The following SPAG16 variants were observed in gnomAD, a reference collection of about 807,000 sequenced individuals.
The protein encoded by SPAG16 is sperm-associated antigen 16 protein.
In SPAG16, 86 loss-of-function variants were observed where a neutral mutation model predicts 80.4. The ratio of observed to expected loss-of-function variants is 1.07; its 90% CI spans 0.90 to 1.28. The LOEUF is 1.28. SPAG16 is among the 50% of genes most tolerant of loss of function. The pLI is 0.00. For synonymous variants in SPAG16, 294 were observed against 265.9 expected (o/e 1.11, Z -1.03); for missense variants, 870 against 765.3 (o/e 1.14, Z -1.61).
chr2:214,279,103 C>CT lies in SPAG16; in HGVS notation c.1720+129855dup, dbSNP rs35554459. Among the ~76,000 whole-genome samples, 236 of 128,216 alleles carry CT rather than the reference C, an allele frequency of 1.8e-3. 1 individual carries two copies. The highest frequency in any genetic ancestry group is 8.1e-3 in the Middle Eastern group (2 of 248). The allele number at this position is 128,216 out of a possible 152,430, so 84.1% of individuals were successfully genotyped here. A position where few individuals can be genotyped will look rare whatever the true frequency, so the allele number is the denominator to read the frequency against. On this transcript the variant is annotated intron_variant, in intron 15 of 15. Transcript: ENST00000331683. ...AAACAAACAGAATATATGAAACAAG[C>CT]TTTTTTTTTTTTTTTTTTGAGTCTC...
In SPAG16 at chr2:214,149,932, C is replaced by A. The variant is rs1172944597; in HGVS notation, c.1720+666C>A. ...TATAAGGTTAAAAATACAGTTGCATCTGCATCTTTAATGATAGAGTTTACT... is the reference window on the plus strand; with the variant it reads ...TATAAGGTTAAAAATACAGTTGCATATGCATCTTTAATGATAGAGTTTACT... On this transcript the variant is annotated intron_variant, in intron 15 of 15. Coordinates refer to ENST00000331683, the MANE Select transcript of SPAG16 (RefSeq NM_024532.5). 2.0e-5 allele frequency among the ~76,000 whole-genome samples: 3 copies of A among 152,074 alleles called. No homozygotes were observed. The South Asian group carries it at 6.2e-4, about 31-fold the overall frequency.
At chr2:213,473,773 C>T (rs1162047269) in intron 9 of SPAG16, among the ~76,000 whole-genome samples, 1 of 152,184 alleles carries the variant, frequency 6.6e-6, no homozygotes, top group Non-Finnish European at 1.5e-5. Flanking sequence ...CATTCCCATG[C>T]CTGTTCTCCA....
chr2:214,374,276 A>G (rs1227287937), intron 15 of SPAG16, among the ~76,000 whole-genome samples: 1 of 152,256 alleles, frequency 6.6e-6, no homozygotes, highest in South Asian at 2.1e-4. Context: ...CTCTAAAAAA[A>G]TCCAGAATGA....
chr2:214,193,955 C>T (rs990025052), intron 15 of SPAG16, among the ~76,000 whole-genome samples: 1 of 151,932 alleles, frequency 6.6e-6, no homozygotes, highest in African/African-American at 2.4e-5. Context: ...AGCAATGCAC[C>T]ATTCAGATGC....
intron 10 of SPAG16, among the ~76,000 whole-genome samples, chr2:213,627,147 T>A (rs1027521005): frequency 3.3e-5 from 5 of 152,168 alleles, no homozygotes; most frequent in Admixed American, 1.3e-4. Flanking sequence ...TTTAATACAG[T>A]GTCAGTACAG....
chr2:213,742,021 C>G (rs1029839487), intron 10 of SPAG16, among the ~76,000 whole-genome samples: 3 of 151,412 alleles, frequency 2.0e-5, no homozygotes, highest in African/African-American at 7.3e-5. Context: ...TTTTTTTAAT[C>G]TAGTTCTCAT....
At chr2:213,955,559 T>C (rs1199611984) in intron 12 of SPAG16, among the ~76,000 whole-genome samples, 1 of 152,194 alleles carries the variant, frequency 6.6e-6, no homozygotes, top group African/African-American at 2.4e-5. Flanking sequence ...ATCCTTATAA[T>C]AGTACCACAC....
intron 10 of SPAG16, among the ~76,000 whole-genome samples, chr2:213,765,605 G>GTC (rs2068897195): frequency 2.0e-5 from 3 of 152,038 alleles, no homozygotes; most frequent in Non-Finnish European, 4.4e-5. Flanking sequence ...GTGTGTGTGT[G>GTC]TGTGTGTGTT....
intron 12 of SPAG16, among the ~76,000 whole-genome samples, chr2:213,936,258 G>C (rs910298894): frequency 6.6e-6 from 1 of 152,174 alleles, no homozygotes; most frequent in Non-Finnish European, 1.5e-5. Flanking sequence ...GCAGATGAGA[G>C]AATGGTAGGG....
At chr2:214,299,145 A>G (rs1472202603) in intron 15 of SPAG16, among the ~76,000 whole-genome samples, 1 of 152,114 alleles carries the variant, frequency 6.6e-6, no homozygotes, top group Non-Finnish European at 1.5e-5. Flanking sequence ...TGTTATAGTC[A>G]GGAATGAATG....
intron 11 of SPAG16, among the ~76,000 whole-genome samples, chr2:213,920,517 G>A (rs887773965): frequency 1.3e-5 from 2 of 152,182 alleles, no homozygotes; most frequent in African/African-American, 4.8e-5. Flanking sequence ...GTGGGGGTAG[G>A]GAATAGGCAG....
At chr2:213,822,863 G>A (rs77368722) in intron 10 of SPAG16, among the ~76,000 whole-genome samples, 1 of 152,134 alleles carries the variant, frequency 6.6e-6, no homozygotes, top group African/African-American at 2.4e-5. Context: ...TGCTGAGGAT[G>A]ATGGCTTCCA....
intron 10 of SPAG16, among the ~76,000 whole-genome samples, chr2:213,809,176 T>G (rs531114111): frequency 6.6e-6 from 1 of 152,306 alleles, no homozygotes; most frequent in African/African-American, 2.4e-5. Flanking sequence ...GGGAATACAT[T>G]GGATTTATGT....
At chr2:213,530,841 G>T in intron 10 of SPAG16, among the ~76,000 whole-genome samples, 1 of 151,404 alleles carries the variant, frequency 6.6e-6, no homozygotes, top group South Asian at 2.1e-4. Context: ...CATCTTTTCT[G>T]CTGTTTCAAC....
intron 13 of SPAG16, among the ~76,000 whole-genome samples, chr2:214,056,280 TACACACACACAC>T (rs60247479): frequency 3.5e-5 from 5 of 144,560 alleles, no homozygotes; most frequent in Non-Finnish European, 6.1e-5. Context: ...GTAGTAGAAA[TACACACACACAC>T]ACACACACAC....
chr2:213,672,856 TTTG>T (rs1186098140), intron 10 of SPAG16, among the ~76,000 whole-genome samples: 12 of 143,476 alleles, frequency 8.4e-5, no homozygotes, highest in Non-Finnish European at 1.5e-4. Context: ...TTTTATTTTG[TTTG>T]TTTTTTTTTT....
rs764240091 is a variant in SPAG16, at chr2:213,375,132, T to C, written c.942+13T>C. 1.3e-6 allele frequency: 2 copies of C among 1,560,760 alleles called. No individual in the cohort carries two copies. The highest frequency in any genetic ancestry group is 1.4e-5 in the African/African-American group (1 of 72,522). ...AGGCAATACAAAGGTATGATATTTG[T>C]TTTTGTTTGCATTAAGTCATACTTA... On this transcript the variant is annotated intron_variant, in intron 9 of 15. Coordinates refer to ENST00000331683, the MANE Select transcript of SPAG16 (RefSeq NM_024532.5).
chr2:213,886,627 A>G (rs2076565754), intron 11 of SPAG16, among the ~76,000 whole-genome samples: 1 of 152,140 alleles, frequency 6.6e-6, no homozygotes, highest in Non-Finnish European at 1.5e-5. Flanking sequence ...TAATGCCAAA[A>G]AATATGAGAG....
intron 13 of SPAG16, among the ~76,000 whole-genome samples, chr2:214,102,111 TTTTTG>T (rs770648817): frequency 0.021 from 2,097 of 98,584 alleles, 59 homozygotes; most frequent in African/African-American, 0.068. Flanking sequence ...TGAGGGTGGT[TTTTTG>T]TTTTTTTTTT....
Sources: gnomAD v4.1 joint callset for allele counts (sites outside exome capture counted in the v4.1 genomes callset) on GRCh38, gnomAD v4.1.1 for gene constraint, MANE v1.5 for transcripts, NCBI Gene and HGNC (gene_info 2026-07-23, HGNC 2026-07-21) for gene names.